The following CPLX2 variants were observed in gnomAD, a reference collection of about 807,000 sequenced individuals.
CPLX2 encodes complexin-2.
A neutral mutation model predicts 16.3 loss-of-function variants in CPLX2; 5 were observed. The observed-to-expected ratio is 0.31, with a 90% confidence interval of 0.16 to 0.64. The LOEUF (loss-of-function observed/expected upper bound fraction) is 0.64. CPLX2 is among the 30% of genes least tolerant of loss of function. The pLI, the probability that CPLX2 is intolerant of heterozygous loss-of-function variation, is 0.79. For synonymous variants in CPLX2, 89 were observed against 73.2 expected (o/e 1.22, Z -1.10); for missense variants, 144 against 181.4 (o/e 0.79, Z 1.18).
intron 2 of CPLX2, among the ~76,000 whole-genome samples, chr5:175,826,812 A>G (rs2113652352): frequency 6.6e-6 from 1 of 152,320 alleles, no homozygotes; most frequent in Admixed American, 6.5e-5. Flanking sequence ...TACTACTTGT[A>G]TTCTTGAGCT....
chr5:175,861,497 C>A (rs1759370736), intron 2 of CPLX2: 1 of 152,178 alleles, frequency 6.6e-6, no homozygotes, highest in Admixed American at 6.5e-5. Flanking sequence ...CCTTTGAGCA[C>A]AGGAGTGACC....
At chr5:175,817,726 GT>G (rs2113640620) in intron 2 of CPLX2, among the ~76,000 whole-genome samples, 1 of 152,342 alleles carries the variant, frequency 6.6e-6, no homozygotes, top group Admixed American at 6.5e-5. Flanking sequence ...GCCCTCAGGA[GT>G]TGTGCGGGGG....
chr5:175,851,819 C>T (rs1454538342), intron 2 of CPLX2, among the ~76,000 whole-genome samples: 3 of 152,230 alleles, frequency 2.0e-5, no homozygotes, highest in African/African-American at 7.2e-5. Context: ...GTGCATCTGG[C>T]AGCCGTGCTT....
chr5:175,833,442 TG>T (rs1207171691), intron 2 of CPLX2, among the ~76,000 whole-genome samples: 1 of 151,820 alleles, frequency 6.6e-6, no homozygotes, highest in Non-Finnish European at 1.5e-5. Flanking sequence ...CAAAGAAGCA[TG>T]GGGGGCTGTA....
At chr5:175,839,659 A>G (rs1408791423) in intron 2 of CPLX2, among the ~76,000 whole-genome samples, 1 of 152,224 alleles carries the variant, frequency 6.6e-6, no homozygotes, top group Non-Finnish European at 1.5e-5. Flanking sequence ...GAGTTTTGGG[A>G]ATGTACAACA....
chr5:175,846,132 C>T (rs1041480882), intron 2 of CPLX2, among the ~76,000 whole-genome samples: 4 of 152,132 alleles, frequency 2.6e-5, no homozygotes, highest in African/African-American at 7.2e-5. Flanking sequence ...CACACACACC[C>T]GCACCCCCCT....
At chr5:175,877,795 C>T (rs1755436316) in intron 1 of CPLX2, among the ~76,000 whole-genome samples, 1 of 152,132 alleles carries the variant, frequency 6.6e-6, no homozygotes, top group Non-Finnish European at 1.5e-5. Flanking sequence ...TATTGAGAAT[C>T]CCATTAAGAT....
At chr5:175,870,410 C>T (rs1033865062), upstream of CPLX2, among the ~76,000 whole-genome samples, 104 of 152,228 alleles carry the variant, frequency 6.8e-4, 1 homozygote, top group African/African-American at 2.4e-3. Flanking sequence ...TCTTGTTGCC[C>T]CTTCCTTGGA....
intron 2 of CPLX2, among the ~76,000 whole-genome samples, chr5:175,846,764 A>G (rs537018662): frequency 6.6e-6 from 1 of 152,130 alleles, no homozygotes; most frequent in Non-Finnish European, 1.5e-5. Flanking sequence ...TGTAAGCTGG[A>G]CTTCTGTCTT....
chr5:175,877,101 C>T (rs79995799), intron 1 of CPLX2, among the ~76,000 whole-genome samples: 3,957 of 152,260 alleles, frequency 0.026, 174 homozygotes, highest in African/African-American at 0.09. Context: ...CTTAATACTC[C>T]CCCATTTTGC....
intron 2 of CPLX2, among the ~76,000 whole-genome samples, chr5:175,816,843 A>G (rs1758418182): frequency 6.6e-6 from 1 of 152,218 alleles, no homozygotes; most frequent in Non-Finnish European, 1.5e-5. Context: ...CATTAACCTG[A>G]GCTTTCCACC....
At chr5:175,805,650 G>C (rs1172614147) in intron 1 of CPLX2, 1 of 152,364 alleles carries the variant, frequency 6.6e-6, no homozygotes, top group Non-Finnish European at 1.5e-5. Flanking sequence ...GGGCATCCCA[G>C]CCCCACCTTT....
At chr5:175,804,892 C>T (rs1758168567) in intron 1 of CPLX2, among the ~76,000 whole-genome samples, 1 of 152,224 alleles carries the variant, frequency 6.6e-6, no homozygotes, top group South Asian at 2.1e-4. Context: ...GAGGTGGACA[C>T]CTCATGCATT....
intron 1 of CPLX2, among the ~76,000 whole-genome samples, chr5:175,807,173 T>C (rs1758222556): frequency 6.6e-6 from 1 of 152,190 alleles, no homozygotes; most frequent in Non-Finnish European, 1.5e-5. Flanking sequence ...GGAATGACGC[T>C]CCATTCTAAG....
chr5:175,810,128 G>T (rs1233935829), intron 2 of CPLX2, among the ~76,000 whole-genome samples: 4 of 152,186 alleles, frequency 2.6e-5, no homozygotes, highest in Non-Finnish European at 5.9e-5. Flanking sequence ...AGGGACAGAA[G>T]GGAACATTTT....
intron 2 of CPLX2, among the ~76,000 whole-genome samples, chr5:175,820,451 A>G (rs1442743370): frequency 6.6e-6 from 1 of 152,156 alleles, no homozygotes; most frequent in Non-Finnish European, 1.5e-5. Context: ...ACTGCCTGAA[A>G]GCAGGTGTGG....
chr5:175,880,153 C>T lies in CPLX2; in HGVS notation c.*108C>T. On this transcript the variant is annotated 3_prime_UTR_variant, in exon 4 of 4. Transcript: ENST00000393745. ...TTCTGAAGGGGAAAACCTCAGTTGG[C>T]CTCTGCCCCTCTTCCCTGGCCAGGG... 8.4e-7 allele frequency: 1 copy of T among 1,194,440 alleles called. No homozygotes were observed. Among genetic ancestry groups the T allele is most frequent in the Non-Finnish European group, 1.2e-6 (1 of 821,472 alleles). 74.0% of individuals were successfully genotyped at this position (1,194,440 alleles called of 1,614,324 possible).
chr5:175,805,162 A>T (rs1422462251), intron 1 of CPLX2, among the ~76,000 whole-genome samples: 2 of 152,218 alleles, frequency 1.3e-5, no homozygotes, highest in Admixed American at 1.3e-4. Flanking sequence ...AATGAAATCA[A>T]TAACATTCAT....
At position 175,849,515 on chromosome 5, in the gene CPLX2, A is replaced by C. The variant is rs1180449333; in HGVS notation, c.-88-29137A>C. On this transcript the variant is annotated intron_variant, in intron 2 of 4. Coordinates refer to the CPLX2 transcript ENST00000359546. This position sits in a 1 kb window ranked among gnomAD's most constrained non-coding sequence, Gnocchi z 4.4. ...GACTTGACCTTGAGGGGCTCCCAGCATGGCTGGGGAGATAGCACATAAGCA... is the reference window on the plus strand; with the variant it reads ...GACTTGACCTTGAGGGGCTCCCAGCCTGGCTGGGGAGATAGCACATAAGCA... Among the ~76,000 whole-genome samples the C allele has an allele frequency of 1.3e-5, 2 of 152,186 alleles. No individual in the cohort carries two copies. The highest frequency in any genetic ancestry group is 4.8e-5 in the African/African-American group (2 of 41,448).
Sources: allele counts gnomAD v4.1 joint callset (sites outside exome capture counted in the v4.1 genomes callset), GRCh38; gene constraint gnomAD v4.1.1; non-coding constraint Gnocchi (gnomAD v3.1); transcripts MANE v1.5; gene names NCBI Gene and HGNC (gene_info 2026-07-23, HGNC 2026-07-21).